Variants in TAMM41 observed in about 807,000 individuals in gnomAD.
The protein encoded by TAMM41 is TAM41 mitochondrial translocator assembly and maintenance homolog.
A neutral mutation model predicts 44.1 loss-of-function variants in TAMM41; 36 were observed. The observed-to-expected ratio is 0.82, with a 90% CI of 0.63 to 1.08. The LOEUF (loss-of-function observed/expected upper bound fraction) is 1.08. Among genes scored for constraint, TAMM41 ranks in the 50% least tolerant of loss-of-function variants. TAMM41 has a pLI of 0.00. For missense variants in TAMM41, 417 were observed against 404.3 expected, an observed-to-expected ratio of 1.03 and a Z score of -0.27; for synonymous variants, 164 against 153.1, an observed-to-expected ratio of 1.07 and a Z score of -0.53.
the TAMM41 span, among the ~76,000 whole-genome samples, chr3:11,749,622 C>T: frequency 6.6e-6 from 1 of 152,090 alleles, no homozygotes; most frequent in African/African-American, 2.4e-5. Context: ...AATTCCATAC[C>T]ATGAAGTTAC....
chr3:11,754,197 C>G, the TAMM41 span, among the ~76,000 whole-genome samples: 2 of 152,072 alleles, frequency 1.3e-5, no homozygotes, highest in African/African-American at 4.8e-5. Flanking sequence ...TTCCTCAAAA[C>G]TTGCGCAAAG....
chr3:11,726,757 C>T, the TAMM41 span, among the ~76,000 whole-genome samples: 6 of 148,474 alleles, frequency 4.0e-5, no homozygotes, highest in East Asian at 1.2e-3. Context: ...GAGTTGAGAT[C>T]GCGCTGCTGC....
the TAMM41 span, among the ~76,000 whole-genome samples, chr3:11,747,755 G>C: frequency 1.3e-5 from 2 of 151,664 alleles, no homozygotes; most frequent in Non-Finnish European, 2.9e-5. Flanking sequence ...GACAGAATGA[G>C]ACCCTGTCTC....
intron 5 of TAMM41, among the ~76,000 whole-genome samples, chr3:11,815,031 G>C (rs573709882): frequency 6.6e-6 from 1 of 152,230 alleles, no homozygotes; most frequent in African/African-American, 2.4e-5. Flanking sequence ...ATGGAAAACA[G>C]ACATAAATAA....
intron 2 of TAMM41, 88 bp downstream of exon 2, chr3:11,843,941 G>C: frequency 1.4e-6 from 2 of 1,380,714 alleles, no homozygotes; most frequent in Non-Finnish European, 2.0e-6. Flanking sequence ...AATGTTTCCT[G>C]ACCACAAGAA....
At chr3:11,817,946 A>C (rs1290432309) in intron 4 of TAMM41, among the ~76,000 whole-genome samples, 1 of 152,244 alleles carries the variant, frequency 6.6e-6, no homozygotes, top group Admixed American at 6.5e-5. Flanking sequence ...GGATGAATTG[A>C]GCTGAAAAAC....
the TAMM41 span, among the ~76,000 whole-genome samples, chr3:11,734,373 GA>G: frequency 6.6e-6 from 1 of 152,172 alleles, no homozygotes; most frequent in East Asian, 1.9e-4. Context: ...GAGACATTGG[GA>G]GGGAAACTGG....
intron 4 of TAMM41, among the ~76,000 whole-genome samples, chr3:11,821,993 G>A (rs2078541117): frequency 6.6e-6 from 1 of 152,140 alleles, no homozygotes; most frequent in African/African-American, 2.4e-5. Context: ...ACTTTCAGGC[G>A]ATGTGTATGA....
rs34707251 is a variant in TAMM41 at position 11,835,990 on chromosome 3, CT to C, written c.411+3231del. On this transcript the variant is annotated intron_variant, in intron 3 of 7. Transcript: ENST00000455809. ...TACTCTGCTTCCAATATTCCTTTTC[CT>C]TTTTTTTTTTTTTTTTGAGACTGGG... Among the ~76,000 whole-genome samples the C allele has an allele frequency of 4.8e-3, 665 of 137,814 alleles. 6 individuals carry two copies. Among genetic ancestry groups the C allele is most frequent in the East Asian group, 0.013 (61 of 4,774 alleles). 90.4% of individuals were successfully genotyped at this position (137,814 alleles called of 152,430 possible). A position where few individuals can be genotyped will look rare whatever the true frequency, so the allele number is the denominator to read the frequency against.
At chr3:11,809,247 G>A in intron 6 of TAMM41, 1 of 459,820 alleles carries the variant, frequency 2.2e-6, no homozygotes, top group Non-Finnish European at 3.8e-6. Context: ...TCTAGAAGTT[G>A]TGCTCTAGGA....
At position 11,803,700 on chromosome 3, in the gene TAMM41, A is replaced by T. The variant is rs939745210; in HGVS notation, c.937+4133T>A. The stretch of plus-strand genomic sequence containing the variant: ...GTGTCCATCAATGGAGGACTGGATA[A>T]CAAAAATGTGTATATATCTACATCT... On this transcript the variant is annotated intron_variant, in intron 7 of 7. Transcript: ENST00000455809. Among the ~76,000 whole-genome samples the T allele has an allele frequency of 3.3e-5, 5 of 152,364 alleles. No individual in the cohort carries two copies. In the East Asian group the frequency reaches 9.6e-4, roughly 29 times the overall value.
chr3:11,784,518 A>C, the TAMM41 span, among the ~76,000 whole-genome samples: 722 of 152,286 alleles, frequency 4.7e-3, 9 homozygotes, highest in African/African-American at 0.016. Context: ...AACCAAAACC[A>C]AAACAAAAAA....
At chr3:11,735,621 T>C in the TAMM41 span, among the ~76,000 whole-genome samples, 42 of 152,132 alleles carry the variant, frequency 2.8e-4, no homozygotes, top group African/African-American at 9.9e-4. Flanking sequence ...GGTAACAAAG[T>C]GATACCTTAT....
At position 11,844,224 on chromosome 3, in the gene TAMM41, G is replaced by A; in HGVS notation, c.136-13C>T. On this transcript the variant is annotated splice_polypyrimidine_tract_variant and intron_variant, in intron 1 of 7. Transcript: ENST00000455809. ...CCAGCATAGCATTCTGTGGAGTGAA[G>A]AAAAGAGAATAATTTCAGTATTAAT... 5 of 1,609,110 alleles carry A rather than the reference G, an allele frequency of 3.1e-6. No homozygotes were observed. The highest frequency in any genetic ancestry group is 4.2e-6 in the Non-Finnish European group (5 of 1,177,538).
At chr3:11,757,071 G>C in the TAMM41 span, among the ~76,000 whole-genome samples, 1 of 152,086 alleles carries the variant, frequency 6.6e-6, no homozygotes, top group African/African-American at 2.4e-5. Context: ...AACATCCCAT[G>C]CCATCGTTCC....
intron 6 of TAMM41, 50 bp from the exon 7 acceptor site, chr3:11,807,945 T>C: frequency 6.8e-7 from 1 of 1,477,026 alleles, no homozygotes; most frequent in Non-Finnish European, 8.9e-7. Context: ...AAACAGATGT[T>C]AGTCATCTTA....
At chr3:11,771,412 G>A in the TAMM41 span, 1 of 152,234 alleles carries the variant, frequency 6.6e-6, no homozygotes, top group African/African-American at 2.4e-5. Flanking sequence ...GGGATTCTAC[G>A]TCTGGCTCAT....
At chr3:11,798,416 A>G (rs1475966038) in intron 7 of TAMM41, among the ~76,000 whole-genome samples, 1 of 152,180 alleles carries the variant, frequency 6.6e-6, no homozygotes, top group Non-Finnish European at 1.5e-5. Flanking sequence ...CAAATGCTGC[A>G]TATTCTCACT....
chr3:11,820,375 C>T (rs922996612), intron 4 of TAMM41, among the ~76,000 whole-genome samples: 1 of 152,142 alleles, frequency 6.6e-6, no homozygotes, highest in Non-Finnish European at 1.5e-5. Context: ...GAAGGATTTA[C>T]CATTTTAAAA....
Sources: allele counts gnomAD v4.1 joint callset (sites outside exome capture counted in the v4.1 genomes callset), GRCh38; gene constraint gnomAD v4.1.1; transcripts MANE v1.5; gene names NCBI Gene and HGNC (gene_info 2026-07-23, HGNC 2026-07-21).